The following SLC35E2B variants were observed in gnomAD, a reference collection of about 807,000 sequenced individuals.
The protein encoded by SLC35E2B is solute carrier family 35, member E2B.
Under a neutral mutation model 32.4 loss-of-function variants are expected in SLC35E2B, and 18 were observed. The observed-to-expected ratio is 0.56, with a 90% CI of 0.38 to 0.82. The LOEUF (loss-of-function observed/expected upper bound fraction) is 0.82, where lower values mean the gene tolerates loss of function less well. Ranked by LOEUF, SLC35E2B falls within the 40% of genes least tolerant of loss-of-function variation. The pLI, the probability that SLC35E2B is intolerant of heterozygous loss-of-function variation, is 0.00. For synonymous variants in SLC35E2B, 132 were observed against 209.1 expected (o/e 0.63, Z 3.18); for missense variants, 263 against 469.5 (o/e 0.56, Z 4.06).
intron 2 of SLC35E2B, among the ~76,000 whole-genome samples, chr1:1,681,420 G>C (rs1643898813): frequency 6.6e-6 from 1 of 150,690 alleles, no homozygotes. Flanking sequence ...TGTTACCCAG[G>C]ATGGTCTCGA....
intron 2 of SLC35E2B, among the ~76,000 whole-genome samples, chr1:1,687,396 G>C (rs896941571): frequency 2.0e-5 from 3 of 151,848 alleles, no homozygotes; most frequent in Non-Finnish European, 4.4e-5. Flanking sequence ...GGGCAATGTG[G>C]CGAAACCCTG....
At chr1:1,685,599 A>G (rs993466387) in intron 2 of SLC35E2B, among the ~76,000 whole-genome samples, 15 of 151,928 alleles carry the variant, frequency 9.9e-5, no homozygotes, top group African/African-American at 3.1e-4. Flanking sequence ...TTAAATCAAC[A>G]AGGGTAGGGG....
chr1:1,678,990 G>A (rs918620280), intron 2 of SLC35E2B, among the ~76,000 whole-genome samples: 4 of 152,170 alleles, frequency 2.6e-5, no homozygotes, highest in African/African-American at 9.7e-5. Flanking sequence ...GCAAGGCAGG[G>A]GTGGAGCTCA....
At chr1:1,685,650 A>T (rs1041513733) in intron 2 of SLC35E2B, among the ~76,000 whole-genome samples, 5 of 152,034 alleles carry the variant, frequency 3.3e-5, no homozygotes, top group Non-Finnish European at 5.9e-5. Flanking sequence ...GAATGCATGA[A>T]CCACACCACA....
At chr1:1,689,083 G>C (rs1643990202) in intron 2 of SLC35E2B, among the ~76,000 whole-genome samples, 1 of 151,440 alleles carries the variant, frequency 6.6e-6, no homozygotes, top group Non-Finnish European at 1.5e-5. Context: ...GAGGCACGAG[G>C]ATCACTTGAA....
At position 1,665,964 on chromosome 1, in the gene SLC35E2B, C is replaced by T. The variant is rs114859950; in HGVS notation, c.1036G>A (p.Gly346Ser). 3.9e-3 allele frequency: 6,023 copies of T among 1,551,536 alleles called. 23 individuals carry two copies. Among genetic ancestry groups the T allele is most frequent in the Middle Eastern group, 0.013 (76 of 5,992 alleles). The change falls in exon 10 of 10, where the codon GGC (glycine) becomes AGC (serine). Residue 346 changes from glycine to serine, a missense_variant. By Grantham distance (56) the Gly-to-Ser change is moderately conservative (BLOSUM62 0). This residue lies in a region of SLC35E2B where 38 missense variants were observed against 56.9 expected (regional missense o/e 0.67). Transcript: ENST00000617444. Reference sequence around the variant, plus strand: ...GCCGACAAGCTGGTGATCTTGTTGCCGAAAACGATTACGCTGAGCCAGATG... The same window carrying T: ...GCCGACAAGCTGGTGATCTTGTTGCTGAAAACGATTACGCTGAGCCAGATG... ...LSIWLSVIVF[G>S]NKITSLSAVG...
chr1:1,669,897 C>T lies in SLC35E2B; in HGVS notation c.762-161G>A, dbSNP rs570728064. The T allele has an allele frequency of 3.4e-5, 30 of 891,090 alleles. No homozygotes were observed. The East Asian group carries it at 5.9e-4, about 17-fold the overall frequency. The allele number at this position is 891,090 out of a possible 1,614,324, so 55.2% of individuals were successfully genotyped here. On this transcript the variant is annotated intron_variant, in intron 7 of 9. Transcript: ENST00000617444. The stretch of plus-strand genomic sequence containing the variant: ...AGCTTCCCAGAAATGAAAACGCAAA[C>T]GCACACCAGGCTGGCTGAGGGGCTC...
At chr1:1,670,490 C>G (rs1375209970) in intron 6 of SLC35E2B, 2 of 195,732 alleles carry the variant, frequency 1.0e-5, no homozygotes, top group Non-Finnish European at 2.1e-5. Flanking sequence ...GGCGCAATCT[C>G]GGCTCACTGC....
chr1:1,690,456 T>C (rs980340262), intron 2 of SLC35E2B, among the ~76,000 whole-genome samples: 3 of 145,708 alleles, frequency 2.1e-5, no homozygotes, highest in African/African-American at 7.5e-5. Flanking sequence ...AAAAAAATGT[T>C]GGCGGGGCAT....
intron 2 of SLC35E2B, among the ~76,000 whole-genome samples, chr1:1,686,223 C>T (rs1421219626): frequency 1.1e-4 from 17 of 151,944 alleles, no homozygotes; most frequent in East Asian, 2.0e-4. Context: ...AGGCTGGTCT[C>T]GAACTCCTGA....
In SLC35E2B at chr1:1,685,108, C is replaced by CA. The variant is rs202244077; in HGVS notation, c.-148+5867dup. On this transcript the variant is annotated intron_variant, in intron 2 of 9. Coordinates refer to ENST00000617444, the MANE Select transcript of SLC35E2B (RefSeq NM_001290264.2). ...GGCAACAAGAGCAAAAACTCCGTCT[C>CA]AAAAAAAAAAAAAAAAGTTGGAGCA... Among the ~76,000 whole-genome samples, 213 of 118,860 alleles carry CA rather than the reference C, an allele frequency of 1.8e-3. 1 individual carries two copies. Among genetic ancestry groups the CA allele is most frequent in the Middle Eastern group, 0.013 (3 of 232 alleles). The allele number at this position is 118,860 out of a possible 152,430, so 78.0% of individuals were successfully genotyped here.
At chr1:1,670,336 G>A (rs1643655329) in intron 6 of SLC35E2B, 185 bp from the exon 7 acceptor site, 1 of 541,246 alleles carries the variant, frequency 1.8e-6, no homozygotes, top group Non-Finnish European at 3.3e-6. Context: ...TGGCCAGGCT[G>A]GTCTCCAACT....
intron 2 of SLC35E2B, among the ~76,000 whole-genome samples, chr1:1,685,454 G>A (rs1229507703): frequency 1.3e-5 from 2 of 151,364 alleles, no homozygotes; most frequent in Non-Finnish European, 2.9e-5. Context: ...AGAAATACAG[G>A]AAGGATATAC....
Position 1,664,839 on chromosome 1 carries a change from G to A in SLC35E2B, c.*943C>T, listed in dbSNP as rs1440699019. Reference sequence around the variant, plus strand: ...TGCCCAAGGCTCACGTGGGGAACCGGACAGGTGCTAGATGATGATAGGAAC... The same window carrying A: ...TGCCCAAGGCTCACGTGGGGAACCGAACAGGTGCTAGATGATGATAGGAAC... On this transcript the variant is annotated 3_prime_UTR_variant, in exon 10 of 10. Coordinates refer to ENST00000617444, the MANE Select transcript of SLC35E2B (RefSeq NM_001290264.2). 19 of 911,722 alleles carry A rather than the reference G, an allele frequency of 2.1e-5. 2 individuals carry two copies. Among genetic ancestry groups the A allele is most frequent in the Non-Finnish European group, 2.5e-5 (19 of 768,040 alleles). The allele number at this position is 911,722 out of a possible 1,614,324, so 56.5% of individuals were successfully genotyped here. A position where few individuals can be genotyped will look rare whatever the true frequency, so the allele number is the denominator to read the frequency against.
At chr1:1,690,352 C>T (rs1644004828) in intron 2 of SLC35E2B, among the ~76,000 whole-genome samples, 1 of 145,960 alleles carries the variant, frequency 6.9e-6, no homozygotes, top group East Asian at 2.0e-4. Context: ...TCAACAGCCA[C>T]AACCTGGGAA....
intron 6 of SLC35E2B, 54 bp downstream of exon 6, chr1:1,671,455 T>C (rs1199936793): frequency 7.3e-7 from 1 of 1,362,804 alleles, no homozygotes; most frequent in African/African-American, 1.5e-5. Flanking sequence ...CACACCCAGA[T>C]GCAGGTGAGC....
At chr1:1,666,831 C>T (rs182592319) in intron 9 of SLC35E2B, among the ~76,000 whole-genome samples, 4 of 151,694 alleles carry the variant, frequency 2.6e-5, no homozygotes, top group African/African-American at 4.8e-5. Context: ...GGAGGCCGGG[C>T]GCCGTGGCTC....
chr1:1,679,300 C>T (rs914689475), intron 2 of SLC35E2B, among the ~76,000 whole-genome samples: 1 of 152,148 alleles, frequency 6.6e-6, no homozygotes, highest in African/African-American at 2.4e-5. Context: ...CTCCCTCTTG[C>T]CAGAACAGTC....
Position 1,664,852 on chromosome 1 carries a change from T to C in SLC35E2B, c.*930A>G, listed in dbSNP as rs1643500373. 1.1e-6 allele frequency: 1 copy of C among 914,230 alleles called. No homozygotes were observed. The highest frequency in any genetic ancestry group is 1.3e-6 in the Non-Finnish European group (1 of 770,376). 56.6% of individuals were successfully genotyped at this position (914,230 alleles called of 1,614,324 possible). A position where few individuals can be genotyped will look rare whatever the true frequency, so the allele number is the denominator to read the frequency against. ...CGTGGGGAACCGGACAGGTGCTAGA[T>C]GATGATAGGAACAGTGGGCTCTGAG... On this transcript the variant is annotated 3_prime_UTR_variant, in exon 10 of 10. Coordinates refer to ENST00000617444, the MANE Select transcript of SLC35E2B (RefSeq NM_001290264.2).
Sources: gnomAD v4.1 joint callset for allele counts (sites outside exome capture counted in the v4.1 genomes callset) on GRCh38, gnomAD v4.1.1 for gene constraint, gnomAD v4.1.1 regional missense constraint, MANE v1.5 for transcripts, NCBI Gene and HGNC (gene_info 2026-07-23, HGNC 2026-07-21) for gene names.